The following SLC35F3 variants were observed in gnomAD, a reference collection of about 807,000 sequenced individuals.
The protein encoded by SLC35F3 is solute carrier family 35 member F3.
Under a neutral mutation model 49.9 loss-of-function variants are expected in SLC35F3, and 25 were observed. That is an observed-to-expected ratio of 0.50 (90% CI 0.37 to 0.70). SLC35F3 has a LOEUF of 0.70. SLC35F3 is among the 30% of genes least tolerant of loss of function. The probability of loss-of-function intolerance (pLI) is 0.00; values close to 1 mark genes in which losing one functional copy is unlikely to be tolerated. For missense variants in SLC35F3, 525 were observed against 639.8 expected, an observed-to-expected ratio of 0.82 and a Z score of 1.94; for synonymous variants, 275 against 265.4, an observed-to-expected ratio of 1.04 and a Z score of -0.35.
chr1:234,202,209 A>G (rs6691337), intron 2 of SLC35F3, among the ~76,000 whole-genome samples: 12,303 of 152,210 alleles, frequency 0.081, 1,739 homozygotes, highest in African/African-American at 0.28. Context: ...ATGAGAACAC[A>G]TGGACATGTG....
intron 2 of SLC35F3, among the ~76,000 whole-genome samples, chr1:234,121,390 G>A (rs137914024): frequency 0.018 from 2,729 of 151,656 alleles, 74 homozygotes; most frequent in African/African-American, 0.062. Context: ...CGCCCGCCTC[G>A]GCCTCCCAAA....
chr1:234,236,469 CAATT>C (rs896564453), intron 3 of SLC35F3, among the ~76,000 whole-genome samples: 15 of 152,050 alleles, frequency 9.9e-5, no homozygotes, highest in African/African-American at 3.6e-4. Flanking sequence ...TAGCCAGAAA[CAATT>C]TATTTAAGGA....
intron 2 of SLC35F3, among the ~76,000 whole-genome samples, chr1:234,020,097 A>T (rs1195502782): frequency 6.6e-6 from 1 of 152,150 alleles, no homozygotes; most frequent in Non-Finnish European, 1.5e-5. Context: ...GGCATCCCAA[A>T]GCCATGTGGG....
intron 2 of SLC35F3, among the ~76,000 whole-genome samples, chr1:234,054,940 G>A (rs188252180): frequency 2.0e-4 from 31 of 152,310 alleles, no homozygotes; most frequent in African/African-American, 6.7e-4. Flanking sequence ...AGTATCACCA[G>A]CGGAGGCTGT....
chr1:233,948,446 T>C (rs1320205677), intron 2 of SLC35F3, among the ~76,000 whole-genome samples: 1 of 151,608 alleles, frequency 6.6e-6, no homozygotes, highest in African/African-American at 2.4e-5. Flanking sequence ...AAGCGAAGGG[T>C]TCAAGTGGGT....
chr1:233,943,080 T>TGAATG (rs1662454679), intron 2 of SLC35F3, among the ~76,000 whole-genome samples: 1 of 152,224 alleles, frequency 6.6e-6, no homozygotes, highest in Non-Finnish European at 1.5e-5. Context: ...CAGTGTTCAT[T>TGAATG]GACAAATGAA....
At chr1:233,990,067 A>G (rs1264707585) in intron 2 of SLC35F3, among the ~76,000 whole-genome samples, 3 of 152,208 alleles carry the variant, frequency 2.0e-5, no homozygotes, top group African/African-American at 7.2e-5. Context: ...TTAAAAAATA[A>G]TGATGTGTTA....
intron 2 of SLC35F3, among the ~76,000 whole-genome samples, chr1:233,970,044 G>A (rs1021623199): frequency 4.6e-5 from 7 of 152,328 alleles, no homozygotes; most frequent in African/African-American, 1.7e-4. Context: ...TACTTCTAGT[G>A]GGACAGTTTG....
rs1322105526 is a variant in SLC35F3, at chr1:233,940,375, G to C, written c.283+34617G>C. Among the ~76,000 whole-genome samples the C allele has an allele frequency of 3.3e-5, 5 of 150,788 alleles. 1 individual carries two copies. The highest frequency in any genetic ancestry group is 6.8e-3 in the Middle Eastern group (2 of 292). On this transcript the variant is annotated intron_variant, in intron 2 of 7. Coordinates refer to ENST00000366618, the MANE Select transcript of SLC35F3 (RefSeq NM_173508.4). Reference sequence around the variant, plus strand: ...AGACACACACACACACACACAGAGAGAGAGAGAGAGAGAGAGAGAGATAGG... The same window carrying C: ...AGACACACACACACACACACAGAGACAGAGAGAGAGAGAGAGAGAGATAGG...
At chr1:234,217,507 G>A (rs1402894243) in intron 2 of SLC35F3, among the ~76,000 whole-genome samples, 1 of 152,234 alleles carries the variant, frequency 6.6e-6, no homozygotes, top group African/African-American at 2.4e-5. Flanking sequence ...CGGGGACACT[G>A]AGAGTTGAGC....
chr1:234,211,970 G>A (rs1016647631), intron 2 of SLC35F3, among the ~76,000 whole-genome samples: 1 of 152,116 alleles, frequency 6.6e-6, no homozygotes, highest in African/African-American at 2.4e-5. Flanking sequence ...AATCATGGGG[G>A]CAGGCCTTTC....
At chr1:234,137,707 G>T (rs1341007101) in intron 2 of SLC35F3, among the ~76,000 whole-genome samples, 1 of 152,212 alleles carries the variant, frequency 6.6e-6, no homozygotes, top group Non-Finnish European at 1.5e-5. Flanking sequence ...AGATGGAGCT[G>T]AAAGTATGCG....
intron 2 of SLC35F3, among the ~76,000 whole-genome samples, chr1:234,095,195 T>C (rs1027291597): frequency 6.6e-6 from 1 of 152,180 alleles, no homozygotes; most frequent in Admixed American, 6.5e-5. Flanking sequence ...TAGGAAACTA[T>C]CTAGTGAGAT....
At chr1:234,161,763 G>A (rs540609263) in intron 2 of SLC35F3, among the ~76,000 whole-genome samples, 9 of 152,210 alleles carry the variant, frequency 5.9e-5, no homozygotes, top group South Asian at 2.1e-4. Flanking sequence ...CTGTGATCGT[G>A]CCACTGCACT....
At chr1:234,016,230 C>G (rs950842708) in intron 2 of SLC35F3, among the ~76,000 whole-genome samples, 2 of 152,134 alleles carry the variant, frequency 1.3e-5, no homozygotes, top group African/African-American at 4.8e-5. Context: ...CTATGGAAAA[C>G]AGCCATTATG....
chr1:234,101,383 A>T (rs766577660), intron 2 of SLC35F3, among the ~76,000 whole-genome samples: 1 of 152,168 alleles, frequency 6.6e-6, no homozygotes, highest in Non-Finnish European at 1.5e-5. Context: ...ACTCCTGAAA[A>T]CTGGAAGAAG....
chr1:234,032,128 A>G (rs1367569500), intron 2 of SLC35F3, among the ~76,000 whole-genome samples: 1 of 151,768 alleles, frequency 6.6e-6, no homozygotes, highest in Non-Finnish European at 1.5e-5. Context: ...TTCTCTATTG[A>G]CTTCGTACTA....
chr1:234,168,540 TG>T (rs1666351632), intron 2 of SLC35F3, among the ~76,000 whole-genome samples: 1 of 152,244 alleles, frequency 6.6e-6, no homozygotes, highest in South Asian at 2.1e-4. Flanking sequence ...CGTTCCAAGT[TG>T]GACAGGACAA....
intron 2 of SLC35F3, among the ~76,000 whole-genome samples, chr1:233,937,094 A>G (rs957273909): frequency 3.9e-5 from 6 of 152,182 alleles, no homozygotes; most frequent in Non-Finnish European, 8.8e-5. Context: ...TGAATCTAGC[A>G]GTTCACAACA....
Sources: allele counts gnomAD v4.1 joint callset (sites outside exome capture counted in the v4.1 genomes callset), GRCh38; gene constraint gnomAD v4.1.1; transcripts MANE v1.5; gene names NCBI Gene and HGNC (gene_info 2026-07-23, HGNC 2026-07-21).